The following GABRG3 variants were observed in gnomAD, a reference collection of about 807,000 sequenced individuals.
The protein encoded by GABRG3 is gamma-aminobutyric acid receptor subunit gamma-3.
Under a neutral mutation model 48.8 loss-of-function variants are expected in GABRG3, and 25 were observed. The ratio of observed to expected loss-of-function variants is 0.51; its 90% CI spans 0.37 to 0.72. The LOEUF (loss-of-function observed/expected upper bound fraction) is 0.72. Among genes scored for constraint, GABRG3 ranks in the 30% least tolerant of loss-of-function variants. The pLI is 0.00. For missense variants in GABRG3, 394 were observed against 577.9 expected, an observed-to-expected ratio of 0.68 and a Z score of 3.26; for synonymous variants, 227 against 217.6, an observed-to-expected ratio of 1.04 and a Z score of -0.38.
intron 5 of GABRG3, among the ~76,000 whole-genome samples, chr15:27,335,686 C>T (rs1351046924): frequency 1.3e-5 from 2 of 151,708 alleles, no homozygotes; most frequent in African/African-American, 4.8e-5. Flanking sequence ...GAGGAGAGAA[C>T]GAGGGGAGCA....
At chr15:27,374,161 T>TTTC (rs1322443621) in intron 5 of GABRG3, among the ~76,000 whole-genome samples, 2 of 138,506 alleles carry the variant, frequency 1.4e-5, no homozygotes, top group African/African-American at 5.6e-5. Context: ...TTTTTTTTTT[T>TTTC]CAGTGTGTCA....
chr15:27,341,768 G>A (rs1894187987), intron 5 of GABRG3, among the ~76,000 whole-genome samples: 1 of 152,198 alleles, frequency 6.6e-6, no homozygotes, highest in Non-Finnish European at 1.5e-5. Flanking sequence ...AGGACAGTCA[G>A]AACCAAAAGA....
At chr15:27,145,717 C>T (rs1898198001) in intron 3 of GABRG3, among the ~76,000 whole-genome samples, 1 of 148,462 alleles carries the variant, frequency 6.7e-6, no homozygotes, top group South Asian at 2.1e-4. Context: ...AAATAATGAC[C>T]AAAATCTTCA....
At chr15:27,202,980 C>A (rs888289467) in intron 3 of GABRG3, among the ~76,000 whole-genome samples, 1 of 152,122 alleles carries the variant, frequency 6.6e-6, no homozygotes, top group African/African-American at 2.4e-5. Context: ...ACTAGGTTAT[C>A]TTCTAAAGTA....
intron 3 of GABRG3, among the ~76,000 whole-genome samples, chr15:27,095,455 G>A (rs1166225551): frequency 1.3e-5 from 2 of 152,144 alleles, no homozygotes; most frequent in African/African-American, 2.4e-5. Flanking sequence ...TTTCCCTTGT[G>A]TAGGTCTCGG....
intron 3 of GABRG3, among the ~76,000 whole-genome samples, chr15:27,149,370 C>T (rs1898268002): frequency 6.6e-6 from 1 of 152,126 alleles, no homozygotes; most frequent in African/African-American, 2.4e-5. Flanking sequence ...AGCTCATGTT[C>T]ATGGATTGGA....
chr15:27,185,197 T>C (rs1888055232), intron 3 of GABRG3, among the ~76,000 whole-genome samples: 1 of 152,206 alleles, frequency 6.6e-6, no homozygotes, highest in African/African-American at 2.4e-5. Context: ...AACAATGCTT[T>C]AGCTGCATCC....
intron 5 of GABRG3, chr15:27,362,324 A>G (rs966160999): frequency 2.0e-5 from 3 of 152,246 alleles, no homozygotes; most frequent in African/African-American, 7.2e-5. Flanking sequence ...ACCATGTAGA[A>G]TCCAGATGGT....
intron 5 of GABRG3, among the ~76,000 whole-genome samples, chr15:27,355,566 C>G (rs1894807838): frequency 6.6e-6 from 1 of 152,162 alleles, no homozygotes; most frequent in Admixed American, 6.5e-5. Flanking sequence ...TTGGCAGTTC[C>G]TCAAACAGTA....
intron 3 of GABRG3, among the ~76,000 whole-genome samples, chr15:27,192,858 T>G (rs1289666833): frequency 6.6e-6 from 1 of 152,172 alleles, no homozygotes; most frequent in Admixed American, 6.5e-5. Flanking sequence ...TATCTGCTTT[T>G]GGTCTTTGAT....
intron 5 of GABRG3, among the ~76,000 whole-genome samples, chr15:27,394,963 T>C (rs977388513): frequency 4.6e-4 from 70 of 152,176 alleles, no homozygotes; most frequent in African/African-American, 1.3e-3. Flanking sequence ...ATTTGGAATT[T>C]GTCAGGCCTC....
At chr15:27,374,291 C>T (rs1206134943) in intron 5 of GABRG3, among the ~76,000 whole-genome samples, 1 of 151,806 alleles carries the variant, frequency 6.6e-6, no homozygotes, top group Non-Finnish European at 1.5e-5. Context: ...CACCACCATG[C>T]CTGGCTAATT....
At chr15:27,249,235 C>T (rs933312666) in intron 3 of GABRG3, among the ~76,000 whole-genome samples, 5 of 152,136 alleles carry the variant, frequency 3.3e-5, no homozygotes, top group South Asian at 4.1e-4. Context: ...GCTGCTCCTC[C>T]GCGTGGCCAG....
intron 3 of GABRG3, among the ~76,000 whole-genome samples, chr15:27,078,223 C>T (rs2140741349): frequency 6.6e-6 from 1 of 152,234 alleles, no homozygotes. Flanking sequence ...TGTTGAAGGG[C>T]CGGATAGAAA....
chr15:27,055,641 C>T (rs1896533016), intron 3 of GABRG3, among the ~76,000 whole-genome samples: 1 of 152,134 alleles, frequency 6.6e-6, no homozygotes, highest in Non-Finnish European at 1.5e-5. Flanking sequence ...GTGTATGAAA[C>T]ATAAATGAAT....
chr15:27,510,127 A>G (rs1890861488), intron 6 of GABRG3, among the ~76,000 whole-genome samples: 1 of 151,304 alleles, frequency 6.6e-6, no homozygotes, highest in Non-Finnish European at 1.5e-5. Context: ...TTCCCAGGGA[A>G]CATCTGTCTC....
At chr15:27,178,308 C>A (rs926109699) in intron 3 of GABRG3, among the ~76,000 whole-genome samples, 1 of 152,196 alleles carries the variant, frequency 6.6e-6, no homozygotes, top group African/African-American at 2.4e-5. Flanking sequence ...TTGTGGGATG[C>A]TCCTTAACAA....
chr15:26,988,763 C>A (rs941501749), intron 2 of GABRG3, among the ~76,000 whole-genome samples: 1 of 151,998 alleles, frequency 6.6e-6, no homozygotes, highest in South Asian at 2.1e-4. Flanking sequence ...GCCGTAACTA[C>A]AATTTTATAT....
At chr15:27,200,487 G>A (rs1365761396) in intron 3 of GABRG3, among the ~76,000 whole-genome samples, 1 of 152,186 alleles carries the variant, frequency 6.6e-6, no homozygotes, top group African/African-American at 2.4e-5. Flanking sequence ...GTTAGGTGCT[G>A]CATGCAACCT....
Sources: allele counts gnomAD v4.1 joint callset (sites outside exome capture counted in the v4.1 genomes callset), GRCh38; gene constraint gnomAD v4.1.1; transcripts MANE v1.5; gene names NCBI Gene and HGNC (gene_info 2026-07-23, HGNC 2026-07-21).